METTL16: variants seen among roughly 807,000 people sequenced by gnomAD.
The protein encoded by METTL16 is methyltransferase 16, RNA N6-adenosine, also known as RNA N(6)-adenosine-methyltransferase METTL16.
Under a neutral mutation model 57.9 loss-of-function variants are expected in METTL16, and 19 were observed. The ratio of observed to expected loss-of-function variants is 0.33; its 90% confidence interval spans 0.23 to 0.48. METTL16 has a LOEUF of 0.48. Ranked by LOEUF, METTL16 falls within the 20% of genes least tolerant of loss-of-function variation. METTL16 has a pLI of 0.99. For missense variants in METTL16, 434 were observed against 691.5 expected (o/e 0.63, Z 4.18); for synonymous variants, 246 against 255.6 (o/e 0.96, Z 0.36).
In METTL16 at chr17:2,441,529, G is replaced by A. The variant is rs202247582; in HGVS notation, c.759C>T (p.Cys253=). The change falls in exon 7 of 10, where the codon TGC becomes TGT. Residue 253 remains cysteine, a synonymous_variant. Transcript: ENST00000263092. ...GCTCCTCCTTCAGAGGCGCCAGGCT[G>A]CATTTCTTTCCCAGCATGCAGCTAT... is the stretch of plus-strand genomic sequence containing the variant. ...RWYSCMLGKK[C]SLAPLKEELR... is the part of the protein sequence containing the mutation. 9.6e-5 allele frequency: 154 copies of A among 1,596,378 alleles called. No homozygotes were observed. Among genetic ancestry groups the A allele is most frequent in the Non-Finnish European group, 1.2e-4 (138 of 1,169,940 alleles).
chr17:2,431,106 C>G (rs910140388), intron 8 of METTL16, among the ~76,000 whole-genome samples: 2 of 152,074 alleles, frequency 1.3e-5, no homozygotes, highest in Non-Finnish European at 2.9e-5. Context: ...CCACCATGCC[C>G]AGCTAATTTT....
intron 6 of METTL16, among the ~76,000 whole-genome samples, chr17:2,442,625 C>T (rs2066961592): frequency 6.6e-6 from 1 of 152,126 alleles, no homozygotes; most frequent in African/African-American, 2.4e-5. Flanking sequence ...GAAGACAGAA[C>T]TCTCAGTATC....
chr17:2,436,053 C>T (rs1449355264), intron 8 of METTL16, among the ~76,000 whole-genome samples: 1 of 152,120 alleles, frequency 6.6e-6, no homozygotes, highest in African/African-American at 2.4e-5. Context: ...GCTCTTCCAC[C>T]TGCAGCGCCG....
chr17:2,478,160 C>T (rs975380509), intron 2 of METTL16, among the ~76,000 whole-genome samples: 1 of 152,216 alleles, frequency 6.6e-6, no homozygotes, highest in Non-Finnish European at 1.5e-5. Context: ...TCGTCGTCTC[C>T]TCACTGTGTG....
At chr17:2,438,242 T>C (rs1411390204) in intron 7 of METTL16, 44 bp from the exon 8 acceptor site, 2 of 1,397,898 alleles carry the variant, frequency 1.4e-6, no homozygotes, top group Non-Finnish European at 2.0e-6. Flanking sequence ...GCAATCATTC[T>C]ACCAATATGT....
intron 8 of METTL16, among the ~76,000 whole-genome samples, chr17:2,429,197 A>G (rs565078730): frequency 1.5e-5 from 1 of 67,948 alleles, no homozygotes; most frequent in South Asian, 7.6e-4. Context: ...AAAGAATGAA[A>G]CTTTTTTTTT....
intron 3 of METTL16, among the ~76,000 whole-genome samples, chr17:2,476,980 C>T (rs1300375783): frequency 6.6e-6 from 1 of 150,590 alleles, no homozygotes; most frequent in Non-Finnish European, 1.5e-5. Flanking sequence ...AATCAGAATA[C>T]GAACACATCA....
chr17:2,505,978 T>TC (rs1235548471), intron 1 of METTL16, among the ~76,000 whole-genome samples: 1 of 151,032 alleles, frequency 6.6e-6, no homozygotes, highest in Non-Finnish European at 1.5e-5. Flanking sequence ...AGGCTATTCT[T>TC]TTTTTTTTGA....
At chr17:2,490,404 C>G (rs548281828) in intron 2 of METTL16, among the ~76,000 whole-genome samples, 1 of 151,914 alleles carries the variant, frequency 6.6e-6, no homozygotes. Context: ...GGGGAGAAGA[C>G]GACGAATGAT....
chr17:2,503,909 A>G (rs1390786263), intron 1 of METTL16, among the ~76,000 whole-genome samples: 1 of 152,084 alleles, frequency 6.6e-6, no homozygotes, highest in Non-Finnish European at 1.5e-5. Context: ...TATCCATACA[A>G]TAAATATGGA....
chr17:2,492,177 C>G (rs976300579), intron 2 of METTL16, among the ~76,000 whole-genome samples: 2 of 152,074 alleles, frequency 1.3e-5, no homozygotes, highest in African/African-American at 2.4e-5. Context: ...CGCCACTGCA[C>G]TCCAGCCTGG....
chr17:2,435,797 G>A (rs1324170054), intron 8 of METTL16, among the ~76,000 whole-genome samples: 1 of 151,306 alleles, frequency 6.6e-6, no homozygotes, highest in African/African-American at 2.4e-5. Flanking sequence ...GGAAGACTCT[G>A]GTAGGGGGGG....
intron 6 of METTL16, among the ~76,000 whole-genome samples, chr17:2,443,758 C>T (rs912487697): frequency 6.6e-6 from 1 of 152,160 alleles, no homozygotes; most frequent in African/African-American, 2.4e-5. Context: ...CTCGGCCTCC[C>T]GAAGTGCGGG....
At chr17:2,492,315 T>G (rs890383387) in intron 2 of METTL16, among the ~76,000 whole-genome samples, 1 of 152,200 alleles carries the variant, frequency 6.6e-6, no homozygotes, top group Non-Finnish European at 1.5e-5. Context: ...CCTATGGAAC[T>G]GATTATTGTG....
intron 2 of METTL16, among the ~76,000 whole-genome samples, chr17:2,489,717 T>C (rs2067370733): frequency 1.6e-5 from 1 of 60,934 alleles, no homozygotes. Flanking sequence ...CCAGCCTGGA[T>C]GACAGAGCGA....
intron 8 of METTL16, among the ~76,000 whole-genome samples, chr17:2,423,472 G>A (rs2066783788): frequency 6.6e-6 from 1 of 152,182 alleles, no homozygotes; most frequent in South Asian, 2.1e-4. Flanking sequence ...CTAGTCTACT[G>A]AGAGCCTAAC....
chr17:2,464,486 A>T (rs1055061784), intron 5 of METTL16, 136 bp from the exon 6 acceptor site: 3 of 721,366 alleles, frequency 4.2e-6, no homozygotes, highest in Non-Finnish European at 6.2e-6. Flanking sequence ...AGGATTTTAA[A>T]ATCATAGCCA....
chr17:2,507,552 G>T (rs1310241374), intron 1 of METTL16, among the ~76,000 whole-genome samples: 3 of 151,050 alleles, frequency 2.0e-5, no homozygotes, highest in Non-Finnish European at 4.4e-5. Flanking sequence ...GGAGGTGAGG[G>T]GCGCCTCTGC....
intron 4 of METTL16, among the ~76,000 whole-genome samples, chr17:2,468,343 C>T (rs2067215755): frequency 6.6e-6 from 1 of 152,148 alleles, no homozygotes; most frequent in Admixed American, 6.5e-5. Flanking sequence ...TAAGGACACT[C>T]AAATAGCTTC....
Sources: gnomAD v4.1 joint callset for allele counts (sites outside exome capture counted in the v4.1 genomes callset) on GRCh38, gnomAD v4.1.1 for gene constraint, MANE v1.5 for transcripts, NCBI Gene and HGNC (gene_info 2026-07-23, HGNC 2026-07-21) for gene names.